The following EPHA5 variants were observed in gnomAD, a reference collection of about 807,000 sequenced individuals.
EPHA5 encodes ephrin type-A receptor 5.
EPHA5 carries 60 observed loss-of-function variants against 105.0 expected under a neutral mutation model. That is an observed-to-expected ratio of 0.57 (90% confidence interval 0.46 to 0.71). EPHA5 has a LOEUF of 0.71. Ranked by LOEUF, EPHA5 falls within the 30% of genes least tolerant of loss-of-function variation. EPHA5 has a pLI of 0.00. For synonymous variants in EPHA5, 513 were observed against 449.1 expected (o/e 1.14, Z -1.80); for missense variants, 1,218 against 1,274.7 (o/e 0.96, Z 0.68).
intron 3 of EPHA5, among the ~76,000 whole-genome samples, chr4:65,553,499 T>C (rs1263808819): frequency 6.6e-6 from 1 of 152,122 alleles, no homozygotes; most frequent in Non-Finnish European, 1.5e-5. Flanking sequence ...AAATTCTAGT[T>C]ACTTCAAAAA....
At chr4:65,652,494 T>G (rs755048634) in intron 1 of EPHA5, among the ~76,000 whole-genome samples, 1 of 152,100 alleles carries the variant, frequency 6.6e-6, no homozygotes, top group Non-Finnish European at 1.5e-5. Context: ...TGAAAAACAC[T>G]AATAGGGCAA....
At chr4:65,359,300 A>G (rs942451129) in intron 11 of EPHA5, among the ~76,000 whole-genome samples, 1 of 151,614 alleles carries the variant, frequency 6.6e-6, no homozygotes, top group African/African-American at 2.4e-5. Flanking sequence ...AAAGTTGTTT[A>G]TGTATATCAT....
chr4:65,393,676 A>T (rs543995989), intron 8 of EPHA5, among the ~76,000 whole-genome samples: 7 of 152,326 alleles, frequency 4.6e-5, no homozygotes, highest in African/African-American at 1.7e-4. Flanking sequence ...AAACACCTGG[A>T]TCTATCAGTA....
intron 5 of EPHA5, among the ~76,000 whole-genome samples, chr4:65,457,092 G>A (rs1296087073): frequency 6.6e-6 from 1 of 152,000 alleles, no homozygotes; most frequent in Non-Finnish European, 1.5e-5. Flanking sequence ...CTTTTAATAA[G>A]CTACACATAC....
chr4:65,543,096 C>T (rs527910246), intron 3 of EPHA5, among the ~76,000 whole-genome samples: 1 of 152,056 alleles, frequency 6.6e-6, no homozygotes. Flanking sequence ...CTATTTATTG[C>T]AAACCTACAG....
At chr4:65,324,945 A>C (rs1577806177) in intron 16 of EPHA5, among the ~76,000 whole-genome samples, 1 of 151,306 alleles carries the variant, frequency 6.6e-6, no homozygotes, top group East Asian at 1.9e-4. Context: ...CTAAACTAAC[A>C]ACATATTATG....
At chr4:65,536,330 G>A (rs1444595602) in intron 3 of EPHA5, among the ~76,000 whole-genome samples, 5 of 151,826 alleles carry the variant, frequency 3.3e-5, no homozygotes, top group Admixed American at 1.3e-4. Context: ...TCTTGTAATC[G>A]TTCCTTTATT....
chr4:65,491,987 T>G (rs1731445748), intron 4 of EPHA5, among the ~76,000 whole-genome samples: 1 of 152,150 alleles, frequency 6.6e-6, no homozygotes, highest in Non-Finnish European at 1.5e-5. Context: ...ACATCTCTCC[T>G]TACAGAGAAT....
chr4:65,346,291 A>T (rs2034539), intron 14 of EPHA5, among the ~76,000 whole-genome samples: 97,964 of 151,636 alleles, frequency 0.65, 31,937 homozygotes, highest in East Asian at 0.8. Flanking sequence ...GAAAATATTT[A>T]CTCAGTCTAA....
chr4:65,480,281 G>A (rs1044215657), intron 5 of EPHA5, among the ~76,000 whole-genome samples: 11 of 152,132 alleles, frequency 7.2e-5, no homozygotes, highest in African/African-American at 2.7e-4. Context: ...AGTGAAATGT[G>A]TCAACTTCAT....
At chr4:65,639,108 C>G (rs1216500664) in intron 2 of EPHA5, among the ~76,000 whole-genome samples, 1 of 152,132 alleles carries the variant, frequency 6.6e-6, no homozygotes. Flanking sequence ...ACTTAAAACA[C>G]ATTTTTCAAA....
intron 3 of EPHA5, among the ~76,000 whole-genome samples, chr4:65,567,161 A>G (rs569088813): frequency 4.3e-4 from 65 of 151,784 alleles, no homozygotes; most frequent in Admixed American, 8.6e-4. Context: ...TTTATAAGAC[A>G]AATTTCTTTT....
chr4:65,588,928 G>A (rs1021280784), intron 3 of EPHA5, among the ~76,000 whole-genome samples: 1 of 152,090 alleles, frequency 6.6e-6, no homozygotes, highest in Non-Finnish European at 1.5e-5. Context: ...AAAGACCCCA[G>A]CACTTTATCT....
chr4:65,414,117 G>A (rs146689509), intron 7 of EPHA5, among the ~76,000 whole-genome samples, 167 bp downstream of exon 7: 1,700 of 152,238 alleles, frequency 0.011, 13 homozygotes, highest in Non-Finnish European at 0.018. Context: ...TTAACCTGCC[G>A]ACCTACCATA....
chr4:65,358,448 T>C (rs1401953507), intron 11 of EPHA5, among the ~76,000 whole-genome samples: 1 of 151,634 alleles, frequency 6.6e-6, no homozygotes, highest in Non-Finnish European at 1.5e-5. Context: ...CATTGTTTTC[T>C]ATTTAGTATA....
At position 65,321,125 on chromosome 4, in the gene EPHA5, A is replaced by T; in HGVS notation, c.*2989T>A. On this transcript the variant is annotated 3_prime_UTR_variant, in exon 17 of 17. Transcript: ENST00000613740. ...GTGACTTCAAGTATCAGTCTGTTGA[A>T]AATTACTCCCTGTACCAATTTTTCA... 1 of 230,738 alleles carries T rather than the reference A, an allele frequency of 4.3e-6. No homozygotes were observed. The highest frequency in any genetic ancestry group is 8.6e-6 in the Non-Finnish European group (1 of 116,446). The allele number at this position is 230,738 out of a possible 1,614,324, so 14.3% of individuals were successfully genotyped here.
At chr4:65,523,035 T>G (rs1734908612) in intron 3 of EPHA5, among the ~76,000 whole-genome samples, 1 of 151,894 alleles carries the variant, frequency 6.6e-6, no homozygotes, top group Non-Finnish European at 1.5e-5. Flanking sequence ...ATAGGATCAG[T>G]CAGTGGAATT....
At chr4:65,388,441 A>C (rs1258992122) in intron 8 of EPHA5, among the ~76,000 whole-genome samples, 1 of 150,432 alleles carries the variant, frequency 6.6e-6, no homozygotes, top group African/African-American at 2.4e-5. Context: ...CCAACAGTGT[A>C]AAAGTGTTCC....
At chr4:65,539,737 A>T (rs1209798383) in intron 3 of EPHA5, among the ~76,000 whole-genome samples, 1 of 151,636 alleles carries the variant, frequency 6.6e-6, no homozygotes, top group Non-Finnish European at 1.5e-5. Context: ...TGGATAATTC[A>T]GATAATACTG....
Sources: gnomAD v4.1 joint callset for allele counts (sites outside exome capture counted in the v4.1 genomes callset) on GRCh38, gnomAD v4.1.1 for gene constraint, MANE v1.5 for transcripts, NCBI Gene and HGNC (gene_info 2026-07-23, HGNC 2026-07-21) for gene names.